The following SND1 variants were observed in gnomAD, a reference collection of about 807,000 sequenced individuals.
The protein encoded by SND1 is staphylococcal nuclease and tudor domain containing 1.
SND1 carries 38 observed loss-of-function variants against 121.7 expected under a neutral mutation model. The observed-to-expected ratio is 0.31, with a 90% CI of 0.24 to 0.41. The LOEUF (loss-of-function observed/expected upper bound fraction) is 0.41, where lower values mean the gene tolerates loss of function less well. Among genes scored for constraint, SND1 ranks in the 10% least tolerant of loss-of-function variants. The probability of loss-of-function intolerance (pLI) is 1.00; values close to 1 mark genes in which losing one functional copy is unlikely to be tolerated. For missense variants in SND1, 868 were observed against 1,184.6 expected (o/e 0.73, Z 3.92); for synonymous variants, 401 against 447.4 (o/e 0.90, Z 1.31).
intron 13 of SND1, 55 bp downstream of exon 13, chr7:127,888,067 TC>T: frequency 7.7e-7 from 1 of 1,290,678 alleles, no homozygotes; most frequent in Non-Finnish European, 1.1e-6. Context: ...CTTTTTTCTT[TC>T]CCAGTTTTGT....
Position 128,056,281 on chromosome 7 carries a change from C to G in SND1, c.1780-18221C>G, listed in dbSNP as rs547162923. On this transcript the variant is annotated intron_variant, in intron 16 of 23. Coordinates refer to ENST00000354725, the MANE Select transcript of SND1 (RefSeq NM_014390.4). The stretch of plus-strand genomic sequence containing the variant: ...ATGATCTATCCCCTGCCAAGCCTGG[C>G]TTTTGGACAGAACCTGTGTTCAGGG... Among the ~76,000 whole-genome samples the G allele has an allele frequency of 2.0e-4, 30 of 152,330 alleles. 1 individual carries two copies. The highest frequency in any genetic ancestry group is 3.7e-4 in the Non-Finnish European group (25 of 68,030).
intron 14 of SND1, among the ~76,000 whole-genome samples, chr7:127,921,866 G>A (rs558900357): frequency 4.6e-5 from 7 of 152,146 alleles, no homozygotes; most frequent in South Asian, 2.1e-4. Context: ...CTTTTTTAGC[G>A]TAGAGTAGTA....
At chr7:127,733,412 T>G (rs1254159492) in intron 10 of SND1, among the ~76,000 whole-genome samples, 1 of 152,162 alleles carries the variant, frequency 6.6e-6, no homozygotes, top group East Asian at 1.9e-4. Context: ...GTCCCTAAAG[T>G]GATTTTTGAA....
At chr7:127,876,165 A>G (rs1243533668) in intron 12 of SND1, among the ~76,000 whole-genome samples, 2 of 151,912 alleles carry the variant, frequency 1.3e-5, no homozygotes, top group Non-Finnish European at 2.9e-5. Flanking sequence ...CATTGTCATT[A>G]TTCAGATATG....
At chr7:127,824,728 A>G (rs931137595) in intron 11 of SND1, among the ~76,000 whole-genome samples, 19 of 152,306 alleles carry the variant, frequency 1.2e-4, no homozygotes, top group Admixed American at 4.6e-4. Flanking sequence ...TGCTTTAAAA[A>G]ATACTTGATG....
At chr7:127,829,508 G>T (rs1415377103) in intron 11 of SND1, among the ~76,000 whole-genome samples, 2 of 152,182 alleles carry the variant, frequency 1.3e-5, no homozygotes, top group Admixed American at 1.3e-4. Flanking sequence ...GTTTGTGTTT[G>T]TCAATGAAAA....
chr7:127,997,772 A>G (rs769287152), intron 16 of SND1: 2 of 534,778 alleles, frequency 3.7e-6, no homozygotes, highest in Admixed American at 1.9e-5. Context: ...CACCATATAT[A>G]CCATTACATT....
intron 19 of SND1, 111 bp downstream of exon 19, chr7:128,084,958 G>C: frequency 8.8e-7 from 1 of 1,142,664 alleles, no homozygotes; most frequent in Non-Finnish European, 1.2e-6. Flanking sequence ...GGTTAATGAT[G>C]GCCCCTAGCA....
intron 16 of SND1, among the ~76,000 whole-genome samples, chr7:128,069,306 A>G (rs1476038536): frequency 6.6e-6 from 1 of 152,220 alleles, no homozygotes. Context: ...CAGCTGCTGA[A>G]TGTAACCATC....
At chr7:127,781,273 C>T (rs1797714993) in intron 10 of SND1, among the ~76,000 whole-genome samples, 1 of 152,138 alleles carries the variant, frequency 6.6e-6, no homozygotes, top group South Asian at 2.1e-4. Context: ...AATTAGTTCA[C>T]CATAGAAGTA....
intron 14 of SND1, among the ~76,000 whole-genome samples, chr7:127,922,631 C>T (rs934312561): frequency 5.3e-5 from 8 of 152,088 alleles, no homozygotes; most frequent in Non-Finnish European, 2.9e-5. Context: ...TGTTTTCTTC[C>T]ATATGTTGGA....
intron 15 of SND1, among the ~76,000 whole-genome samples, chr7:127,953,914 G>A (rs1399312660): frequency 6.6e-6 from 1 of 152,226 alleles, no homozygotes; most frequent in Non-Finnish European, 1.5e-5. Flanking sequence ...AGCATTCAGT[G>A]TAGCTACTTA....
chr7:127,771,205 A>G (rs1433810000), intron 10 of SND1, among the ~76,000 whole-genome samples: 1 of 152,192 alleles, frequency 6.6e-6, no homozygotes, highest in Non-Finnish European at 1.5e-5. Context: ...TCTGATCATT[A>G]TTCACCCTGA....
chr7:127,775,031 C>G lies in SND1; in HGVS notation c.1153-32453C>G, dbSNP rs954708970. 2.6e-5 allele frequency among the ~76,000 whole-genome samples: 4 copies of G among 152,074 alleles called. No homozygotes were observed. In the South Asian group the frequency reaches 6.2e-4, roughly 24 times the overall value. ...GCGATCATGCTGGCTTAGAATGGGC[C>G]CTAAATCCAGTGGCTTGTGTTCTGA... On this transcript the variant is annotated intron_variant, in intron 10 of 23. Coordinates refer to ENST00000354725, the MANE Select transcript of SND1 (RefSeq NM_014390.4).
intron 15 of SND1, among the ~76,000 whole-genome samples, chr7:127,967,753 T>A (rs1801888708): frequency 6.6e-6 from 1 of 152,246 alleles, no homozygotes; most frequent in Non-Finnish European, 1.5e-5. Context: ...CAGGAAACTA[T>A]AGTTGCTAAA....
intron 10 of SND1, among the ~76,000 whole-genome samples, chr7:127,807,122 T>C (rs1798251867): frequency 6.6e-6 from 1 of 152,242 alleles, no homozygotes. Context: ...TAAAGATTTT[T>C]TGAGTAATAG....
intron 11 of SND1, among the ~76,000 whole-genome samples, chr7:127,829,658 C>T: frequency 6.6e-6 from 1 of 152,172 alleles, no homozygotes; most frequent in East Asian, 1.9e-4. Flanking sequence ...CTCAAAAGTA[C>T]ACCGTAGTGG....
At chr7:127,746,715 A>T (rs1796989366) in intron 10 of SND1, among the ~76,000 whole-genome samples, 1 of 152,100 alleles carries the variant, frequency 6.6e-6, no homozygotes, top group East Asian at 1.9e-4. Flanking sequence ...TCTTTTGAGT[A>T]TGGTGGTGTC....
intron 1 of SND1, among the ~76,000 whole-genome samples, chr7:127,669,571 A>G (rs1161434273): frequency 6.6e-6 from 1 of 152,162 alleles, no homozygotes; most frequent in Non-Finnish European, 1.5e-5. Context: ...CATCTCTTCT[A>G]TGATTATATT....
Sources: allele counts gnomAD v4.1 joint callset (sites outside exome capture counted in the v4.1 genomes callset), GRCh38; gene constraint gnomAD v4.1.1; transcripts MANE v1.5; gene names NCBI Gene and HGNC (gene_info 2026-07-23, HGNC 2026-07-21).